The following LHFPL6 variants were observed in gnomAD, a reference collection of about 807,000 sequenced individuals.
LHFPL6 encodes the protein LHFPL tetraspan subfamily member 6 protein.
A neutral mutation model predicts 20.6 loss-of-function variants in LHFPL6; 9 were observed. The ratio of observed to expected loss-of-function variants is 0.44; its 90% CI spans 0.26 to 0.76. The LOEUF is 0.76. LHFPL6 is among the 30% of genes least tolerant of loss of function. LHFPL6 has a pLI of 0.20. For missense variants in LHFPL6, 218 were observed against 253.5 expected (o/e 0.86, Z 0.95); for synonymous variants, 105 against 98.7 (o/e 1.06, Z -0.38).
At chr13:39,449,751 G>T (rs560426886) in intron 2 of LHFPL6, among the ~76,000 whole-genome samples, 6 of 150,586 alleles carry the variant, frequency 4.0e-5, no homozygotes, top group African/African-American at 1.5e-4. Flanking sequence ...TTAACCTAAA[G>T]ATTTAAAGTC....
intron 2 of LHFPL6, among the ~76,000 whole-genome samples, chr13:39,575,444 TATC>T (rs1408866041): frequency 2.0e-5 from 3 of 152,222 alleles, no homozygotes; most frequent in Non-Finnish European, 4.4e-5. Flanking sequence ...TAAAAACTAG[TATC>T]ATGAAAATCC....
chr13:39,429,718 A>G (rs1214565170), intron 2 of LHFPL6, among the ~76,000 whole-genome samples: 1 of 152,118 alleles, frequency 6.6e-6, no homozygotes, highest in Non-Finnish European at 1.5e-5. Context: ...ACAGTCTCCA[A>G]ATCCTCTTCT....
chr13:39,552,758 T>A (rs1871176316), intron 2 of LHFPL6, among the ~76,000 whole-genome samples: 1 of 152,254 alleles, frequency 6.6e-6, no homozygotes, highest in African/African-American at 2.4e-5. Context: ...ATGAAGCTTC[T>A]GAAGTGAAGG....
chr13:39,441,543 C>T (rs1231819274), intron 2 of LHFPL6, among the ~76,000 whole-genome samples: 1 of 151,994 alleles, frequency 6.6e-6, no homozygotes, highest in Non-Finnish European at 1.5e-5. Context: ...GACAGGGTCT[C>T]ACTTTGTCAC....
At chr13:39,456,625 A>T (rs188152827) in intron 2 of LHFPL6, among the ~76,000 whole-genome samples, 1 of 152,336 alleles carries the variant, frequency 6.6e-6, no homozygotes, top group East Asian at 1.9e-4. Context: ...GAAGAGATAG[A>T]CTTTTCCACA....
intron 2 of LHFPL6, among the ~76,000 whole-genome samples, chr13:39,460,027 T>A (rs921734653): frequency 1.3e-4 from 19 of 151,348 alleles, no homozygotes; most frequent in African/African-American, 4.6e-4. Flanking sequence ...TGTCTTTGTA[T>A]CTTAATCCCT....
chr13:39,378,501 GGCACAGCCA>G lies in LHFPL6; in HGVS notation c.402_410del (p.Gly135_Ala137del). ...CACTGTCCCAGCCCAAGGGGTAGAG[GGCACAGCCA>G]GCACCAATCAACAAGCCTGCAAAGA... is the stretch of plus-strand genomic sequence containing the variant. On this transcript the variant is annotated inframe_deletion, in exon 3 of 4. Transcript: ENST00000379589. 6.2e-7 allele frequency: 1 copy of G among 1,613,838 alleles called. No homozygotes were observed. Among genetic ancestry groups the G allele is most frequent in the Non-Finnish European group, 8.5e-7 (1 of 1,179,902 alleles).
chr13:39,374,706 T>G (rs144111351), intron 3 of LHFPL6, among the ~76,000 whole-genome samples: 1 of 152,332 alleles, frequency 6.6e-6, no homozygotes, highest in Non-Finnish European at 1.5e-5. Flanking sequence ...TGGAATAATG[T>G]CAGCAAGTCA....
At chr13:39,497,428 G>T (rs374262129) in intron 2 of LHFPL6, among the ~76,000 whole-genome samples, 1 of 152,118 alleles carries the variant, frequency 6.6e-6, no homozygotes, top group African/African-American at 2.4e-5. Flanking sequence ...AGGGACTACC[G>T]AATTCCCAGT....
intron 2 of LHFPL6, among the ~76,000 whole-genome samples, chr13:39,597,453 T>A (rs1872804088): frequency 6.6e-6 from 1 of 152,246 alleles, no homozygotes; most frequent in Non-Finnish European, 1.5e-5. Flanking sequence ...AAACGGTATT[T>A]GAAAGCACAC....
At chr13:39,480,585 AATGGTAAC>A (rs1336725376) in intron 2 of LHFPL6, among the ~76,000 whole-genome samples, 1 of 152,152 alleles carries the variant, frequency 6.6e-6, no homozygotes, top group Non-Finnish European at 1.5e-5. Flanking sequence ...AAAATGCCAT[AATGGTAAC>A]ATCTTTGTGT....
chr13:39,569,148 T>TGGATGGACGGACGGAC (rs71080313), intron 2 of LHFPL6, among the ~76,000 whole-genome samples: 4,228 of 144,462 alleles, frequency 0.029, 91 homozygotes, highest in East Asian at 0.1. Context: ...GATGGATGGA[T>TGGATGGACGGACGGAC]GGACGGACGG....
chr13:39,520,455 C>T (rs1365461990), intron 2 of LHFPL6, among the ~76,000 whole-genome samples: 1 of 152,128 alleles, frequency 6.6e-6, no homozygotes, highest in Non-Finnish European at 1.5e-5. Context: ...TCAGTTAGCA[C>T]AGGACATTCT....
chr13:39,452,977 C>T lies in LHFPL6; in HGVS notation c.386-74451G>A, dbSNP rs536203334. ...TAGAGATTGTTACTTTTGCCAGAGG[C>T]AGCCTGGAATAAACTGAGATGCCAG... is the stretch of plus-strand genomic sequence containing the variant. On this transcript the variant is annotated intron_variant, in intron 2 of 3. Transcript: ENST00000379589. Among the ~76,000 whole-genome samples, 5 of 152,284 alleles carry T rather than the reference C, an allele frequency of 3.3e-5. No homozygotes were observed. In the South Asian group the frequency reaches 6.2e-4, roughly 19 times the overall value.
At position 39,369,258 on chromosome 13, in the gene LHFPL6, C is replaced by T. The variant is rs10492740; in HGVS notation, c.484+9170G>A. Among the ~76,000 whole-genome samples the T allele has an allele frequency of 6.2e-3, 941 of 152,164 alleles. 14 individuals carry two copies. The highest frequency in any genetic ancestry group is 0.022 in the African/African-American group (895 of 41,508). On this transcript the variant is annotated intron_variant, in intron 3 of 3. Transcript: ENST00000379589. ...TTGCTTGAATTTCCCTGCTATAAATCTCTGCAAGCCACTGAATGAAGCTTT... is the reference window on the plus strand; with the variant it reads ...TTGCTTGAATTTCCCTGCTATAAATTTCTGCAAGCCACTGAATGAAGCTTT...
intron 2 of LHFPL6, among the ~76,000 whole-genome samples, chr13:39,437,933 A>G (rs945994850): frequency 1.3e-5 from 2 of 152,246 alleles, no homozygotes; most frequent in South Asian, 2.1e-4. Flanking sequence ...ATAATATAAA[A>G]GTTTGTACCA....
intron 2 of LHFPL6, among the ~76,000 whole-genome samples, chr13:39,425,031 C>T (rs968647284): frequency 6.6e-6 from 1 of 152,130 alleles, no homozygotes; most frequent in Non-Finnish European, 1.5e-5. Context: ...CTATCACTCC[C>T]CAAAGGTTCC....
intron 2 of LHFPL6, among the ~76,000 whole-genome samples, chr13:39,501,893 C>G (rs897049432): frequency 1.3e-5 from 2 of 152,170 alleles, no homozygotes; most frequent in Non-Finnish European, 2.9e-5. Flanking sequence ...CCATGCTTCA[C>G]TATAATTAGC....
intron 2 of LHFPL6, among the ~76,000 whole-genome samples, chr13:39,561,243 C>A (rs975229082): frequency 1.3e-5 from 2 of 152,112 alleles, no homozygotes; most frequent in Admixed American, 1.3e-4. Flanking sequence ...ACTCACCCAC[C>A]CTGCATTATT....
Sources: gnomAD v4.1 joint callset for allele counts (sites outside exome capture counted in the v4.1 genomes callset) on GRCh38, gnomAD v4.1.1 for gene constraint, MANE v1.5 for transcripts, NCBI Gene and HGNC (gene_info 2026-07-23, HGNC 2026-07-21) for gene names.